Variants in SLC39A14 observed in about 807,000 individuals in gnomAD.
SLC39A14 encodes the protein metal cation symporter ZIP14.
SLC39A14 carries 19 observed loss-of-function variants against 45.5 expected under a neutral mutation model. The observed-to-expected ratio is 0.42, with a 90% CI of 0.29 to 0.61. The LOEUF (loss-of-function observed/expected upper bound fraction) is 0.61, where lower values mean the gene tolerates loss of function less well. Ranked by LOEUF, SLC39A14 falls within the 20% of genes least tolerant of loss-of-function variation. The pLI, the probability that SLC39A14 is intolerant of heterozygous loss-of-function variation, is 0.22. For missense variants in SLC39A14, 447 were observed against 616.5 expected (o/e 0.73, Z 2.91); for synonymous variants, 264 against 251.3 (o/e 1.05, Z -0.48).
Position 22,421,144 on chromosome 8 carries a change from T to G in SLC39A14, c.*1446T>G, listed in dbSNP as rs895203288. On this transcript the variant is annotated 3_prime_UTR_variant, in exon 9 of 9. Coordinates refer to ENST00000381237, the MANE Select transcript of SLC39A14 (RefSeq NM_001128431.4). ...GGGAGCCTGTCTCTCCAGAAGCCTT[T>G]CTTAGTGGTGCCCACAGTTGGAGCC... 12 of 985,754 alleles carry G rather than the reference T, an allele frequency of 1.2e-5. No individual in the cohort carries two copies. Among genetic ancestry groups the G allele is most frequent in the Non-Finnish European group, 1.4e-5 (12 of 829,940 alleles). 61.1% of individuals were successfully genotyped at this position (985,754 alleles called of 1,614,324 possible).
At chr8:22,384,955 CTG>C (rs2132215743) in intron 1 of SLC39A14, among the ~76,000 whole-genome samples, 1 of 145,526 alleles carries the variant, frequency 6.9e-6, no homozygotes, top group South Asian at 2.3e-4. Flanking sequence ...GAGGCTGAGA[CTG>C]GAGAATTGCT....
intron 1 of SLC39A14, among the ~76,000 whole-genome samples, chr8:22,386,252 A>G (rs1282206222): frequency 6.9e-6 from 1 of 143,978 alleles, no homozygotes; most frequent in Non-Finnish European, 1.5e-5. Context: ...ACGAATATGT[A>G]CTTTAGAAGG....
At chr8:22,430,913 T>C (rs1312741485) in intron 8 of SLC39A14, among the ~76,000 whole-genome samples, 1 of 151,980 alleles carries the variant, frequency 6.6e-6, no homozygotes, top group African/African-American at 2.4e-5. Flanking sequence ...CCTCAAGTAA[T>C]CCGCCCATCT....
intron 8 of SLC39A14, among the ~76,000 whole-genome samples, chr8:22,430,323 C>T (rs1010620848): frequency 1.2e-4 from 18 of 152,226 alleles, no homozygotes; most frequent in Non-Finnish European, 2.2e-4. Context: ...CTGCCTCAGC[C>T]TCCCAGAGTG....
chr8:22,375,511 A>G (rs1352808136), intron 1 of SLC39A14, among the ~76,000 whole-genome samples: 1 of 149,162 alleles, frequency 6.7e-6, no homozygotes, highest in African/African-American at 2.5e-5. Context: ...TTTGAGACGG[A>G]GTCTCACTCT....
intron 1 of SLC39A14, among the ~76,000 whole-genome samples, chr8:22,370,510 C>T (rs777230106): frequency 1.5e-4 from 23 of 152,146 alleles, no homozygotes; most frequent in Admixed American, 6.5e-4. Flanking sequence ...TCTTGGAGTC[C>T]AGCACCTTTA....
intron 1 of SLC39A14, among the ~76,000 whole-genome samples, chr8:22,373,178 G>C (rs751489550): frequency 6.6e-6 from 1 of 151,242 alleles, no homozygotes; most frequent in Non-Finnish European, 1.5e-5. Flanking sequence ...CAGGAGAATC[G>C]CTTGAACCTG....
At chr8:22,390,498 G>GTT (rs2132237635) in intron 1 of SLC39A14, 1 of 152,118 alleles carries the variant, frequency 6.6e-6, no homozygotes, top group South Asian at 2.1e-4. Context: ...TAGAGATGGG[G>GTT]TTTTTCCATG....
intron 1 of SLC39A14, among the ~76,000 whole-genome samples, chr8:22,371,020 C>T (rs1055500155): frequency 7.9e-5 from 12 of 152,134 alleles, no homozygotes; most frequent in African/African-American, 2.9e-4. Flanking sequence ...TCTTGTTCCC[C>T]CCTCCCCCCA....
chr8:22,404,813 G>T lies in SLC39A14; in HGVS notation c.103G>T (p.Ala35Ser). 6.2e-7 allele frequency: 1 copy of T among 1,613,568 alleles called. No homozygotes were observed. Among genetic ancestry groups the T allele is most frequent in the Non-Finnish European group, 8.5e-7 (1 of 1,179,528 alleles). Reference sequence around the variant, plus strand: ...TGAGGCTCACGCTTCATCCCTGGGTGCACCAGCTATCAGCGCTGCCTCCTT... The same window carrying T: ...TGAGGCTCACGCTTCATCCCTGGGTTCACCAGCTATCAGCGCTGCCTCCTT... ...TPEAHASSLG[A>S]PAISAASFLQ... The change falls in exon 2 of 9, where the codon GCA (alanine) becomes TCA (serine). Residue 35 changes from alanine to serine, a missense_variant. Physicochemically the swap from Ala to Ser is moderately conservative, Grantham distance 99. Coordinates refer to ENST00000381237, the MANE Select transcript of SLC39A14 (RefSeq NM_001128431.4).
At chr8:22,385,741 A>G (rs1449979789) in intron 1 of SLC39A14, among the ~76,000 whole-genome samples, 1 of 152,150 alleles carries the variant, frequency 6.6e-6, no homozygotes, top group African/African-American at 2.4e-5. Flanking sequence ...TCACACCCAT[A>G]ATCCTAGCAC....
chr8:22,397,981 G>A (rs1221414092), intron 1 of SLC39A14, among the ~76,000 whole-genome samples: 1 of 152,142 alleles, frequency 6.6e-6, no homozygotes, highest in African/African-American at 2.4e-5. Flanking sequence ...GGGTCCCTCG[G>A]AGACCCCTTT....
chr8:22,376,777 C>G (rs1367836990), intron 1 of SLC39A14, among the ~76,000 whole-genome samples: 2 of 152,004 alleles, frequency 1.3e-5, no homozygotes, highest in Admixed American at 6.5e-5. Context: ...ACTCGGGAGG[C>G]TGAGACAGGA....
chr8:22,420,964 G>A lies in SLC39A14; in HGVS notation c.*1266G>A. 5.1e-6 allele frequency: 5 copies of A among 985,870 alleles called. No individual in the cohort carries two copies. Among genetic ancestry groups the A allele is most frequent in the Non-Finnish European group, 6.0e-6 (5 of 829,936 alleles). 61.1% of individuals were successfully genotyped at this position (985,870 alleles called of 1,614,324 possible). A position where few individuals can be genotyped will look rare whatever the true frequency, so the allele number is the denominator to read the frequency against. ...CTCTAACTCTCTCCAGAAAATGGAT[G>A]GAGATAACTTGTCTTTAAAACTGTA... On this transcript the variant is annotated 3_prime_UTR_variant, in exon 9 of 9. Transcript: ENST00000381237.
At chr8:22,382,119 G>A (rs1833546243) in intron 1 of SLC39A14, among the ~76,000 whole-genome samples, 1 of 152,030 alleles carries the variant, frequency 6.6e-6, no homozygotes, top group African/African-American at 2.4e-5. Flanking sequence ...TCCAGCCTGG[G>A]CAACAGAGTG....
chr8:22,401,304 C>T (rs904943681), intron 1 of SLC39A14, among the ~76,000 whole-genome samples: 7 of 152,172 alleles, frequency 4.6e-5, no homozygotes, highest in African/African-American at 1.7e-4. Flanking sequence ...GCATGTGATG[C>T]ACTGAGATTA....
At chr8:22,414,410 A>G (rs977645405) in intron 4 of SLC39A14, among the ~76,000 whole-genome samples, 1 of 152,242 alleles carries the variant, frequency 6.6e-6, no homozygotes, top group African/African-American at 2.4e-5. Flanking sequence ...TAAGATGAAA[A>G]TAAATACAAG....
intron 1 of SLC39A14, among the ~76,000 whole-genome samples, chr8:22,401,539 C>CTTTTTTTTTTTTT (rs1478354009): frequency 1.7e-5 from 2 of 115,716 alleles, no homozygotes; most frequent in African/African-American, 6.8e-5. Flanking sequence ...TTTCTCTTCT[C>CTTTTTTTTTTTTT]TTTCTTTTTT....
At chr8:22,396,387 GAGAGAGAGAGAGAGAGAGAGA>G (rs1834388437) in intron 1 of SLC39A14, among the ~76,000 whole-genome samples, 1 of 5,590 alleles carries the variant, frequency 1.8e-4, no homozygotes, top group African/African-American at 2.8e-3. Context: ...TAAATAAATA[GAGAGAGAGAGAGAGAGAGAGA>G]GAGAGGGGGG....
Sources: allele counts gnomAD v4.1 joint callset (sites outside exome capture counted in the v4.1 genomes callset), GRCh38; gene constraint gnomAD v4.1.1; transcripts MANE v1.5; gene names NCBI Gene and HGNC (gene_info 2026-07-23, HGNC 2026-07-21).